The following WDR31 variants were observed in gnomAD, a reference collection of about 807,000 sequenced individuals.
The protein encoded by WDR31 is WD repeat-containing protein 31.
WDR31 carries 30 observed loss-of-function variants against 47.3 expected under a neutral mutation model. That is an observed-to-expected ratio of 0.63 (90% CI 0.47 to 0.86). The LOEUF is 0.86. WDR31 is among the 40% of genes least tolerant of loss of function. The pLI, the probability that WDR31 is intolerant of heterozygous loss-of-function variation, is 0.00. For synonymous variants in WDR31, 137 were observed against 159.4 expected, an observed-to-expected ratio of 0.86 and a Z score of 1.06; for missense variants, 406 against 442.9, an observed-to-expected ratio of 0.92 and a Z score of 0.75.
At chr9:113,330,473 T>C (rs1262243457) in intron 4 of WDR31, among the ~76,000 whole-genome samples, 1 of 152,150 alleles carries the variant, frequency 6.6e-6, no homozygotes, top group Admixed American at 6.5e-5. Context: ...AGGGCTATGA[T>C]AGATCCTAAT....
chr9:113,337,358 G>C (rs577586995), intron 1 of WDR31, among the ~76,000 whole-genome samples: 1 of 152,142 alleles, frequency 6.6e-6, no homozygotes, highest in African/African-American at 2.4e-5. Context: ...TGTTACTACA[G>C]GTTGAGCATC....
At chr9:113,321,200 G>A (rs1003076212) in intron 8 of WDR31, among the ~76,000 whole-genome samples, 1 of 152,238 alleles carries the variant, frequency 6.6e-6, no homozygotes, top group Non-Finnish European at 1.5e-5. Context: ...GCCCAACAGG[G>A]TGGGACAAGC....
chr9:113,323,841 T>C (rs1833388234), intron 5 of WDR31, among the ~76,000 whole-genome samples: 1 of 152,230 alleles, frequency 6.6e-6, no homozygotes, highest in Non-Finnish European at 1.5e-5. Context: ...GCTGTACTGT[T>C]ATGACAGGTG....
intron 5 of WDR31, among the ~76,000 whole-genome samples, chr9:113,325,015 T>C (rs564247169): frequency 6.6e-6 from 1 of 152,132 alleles, no homozygotes; most frequent in South Asian, 2.1e-4. Flanking sequence ...GTGTGATCTC[T>C]GCTCACTGCA....
At position 113,320,408 on chromosome 9, in the gene WDR31, G is replaced by C; in HGVS notation, c.729C>G (p.His243Gln). The C allele has an allele frequency of 6.2e-7, 1 of 1,614,236 alleles. No individual in the cohort carries two copies. The highest frequency in any genetic ancestry group is 8.5e-7 in the Non-Finnish European group (1 of 1,180,042). The change falls in exon 9 of 11, where the codon CAC (histidine) becomes CAG (glutamine). Residue 243 changes from histidine (H) to glutamine (Q), a missense_variant. By Grantham distance (24) the His-to-Gln change is conservative (BLOSUM62 0). Coordinates refer to ENST00000374193, the MANE Select transcript of WDR31 (RefSeq NM_001012361.4). ...QTYCEVSVDG[H>Q]KCISCSNGFG... Reference sequence around the variant, plus strand: ...AGCCATTGCTGCAGGAGATACACTTGTGTCCATCCACACTGACTTCACAGT... The same window carrying C: ...AGCCATTGCTGCAGGAGATACACTTCTGTCCATCCACACTGACTTCACAGT...
At chr9:113,318,140 G>C (rs1833248206) in intron 10 of WDR31, among the ~76,000 whole-genome samples, 1 of 152,148 alleles carries the variant, frequency 6.6e-6, no homozygotes, top group Non-Finnish European at 1.5e-5. Flanking sequence ...CAAGAGCTGG[G>C]GCTTTCATTT....
chr9:113,329,331 GT>G (rs61111179), intron 4 of WDR31, among the ~76,000 whole-genome samples: 3,180 of 145,410 alleles, frequency 0.022, 35 homozygotes, highest in Non-Finnish European at 0.033. Flanking sequence ...TTGTTGTGGT[GT>G]TTTTTTTTTT....
intron 4 of WDR31, among the ~76,000 whole-genome samples, 164 bp from the exon 5 acceptor site, chr9:113,329,119 G>C (rs115679389): frequency 1.3e-5 from 2 of 152,056 alleles, no homozygotes; most frequent in African/African-American, 4.8e-5. Flanking sequence ...CCCTCCTCAC[G>C]TGCCCCTCCT....
intron 5 of WDR31, among the ~76,000 whole-genome samples, chr9:113,325,931 G>A (rs1679184958): frequency 6.6e-6 from 1 of 150,578 alleles, no homozygotes; most frequent in South Asian, 2.1e-4. Context: ...TATTTTTTGA[G>A]ATGGAGTTTC....
rs1398690683 is a variant in WDR31 at position 113,313,449 on chromosome 9, C to T, written c.*3300G>A. On this transcript the variant is annotated 3_prime_UTR_variant, in exon 11 of 11. Coordinates refer to ENST00000374193, the MANE Select transcript of WDR31 (RefSeq NM_001012361.4). ...GCACATGCTACGACTGTCCCTGAGACAGCTGTCTACTGCCCCTAGGCACTT... is the reference window on the plus strand; with the variant it reads ...GCACATGCTACGACTGTCCCTGAGATAGCTGTCTACTGCCCCTAGGCACTT... 1 of 152,244 alleles carries T rather than the reference C, an allele frequency of 6.6e-6. No individual in the cohort carries two copies. Among genetic ancestry groups the T allele is most frequent in the Non-Finnish European group, 1.5e-5 (1 of 68,052 alleles). 9.4% of individuals were successfully genotyped at this position (152,244 alleles called of 1,614,324 possible).
Position 113,322,812 on chromosome 9 carries a change from A to T in WDR31, c.569T>A (p.Val190Glu). ...TCTGTACCAAGTTTGAGTTCATACCACGTTCCTGGAGACAGATGCTCTTTC... is the reference window on the plus strand; with the variant it reads ...TCTGTACCAAGTTTGAGTTCATACCTCGTTCCTGGAGACAGATGCTCTTTC... ...SVERASVSRN[V>E]VTHLCWVPRE... Residue 190 changes from valine (V) to glutamate (E), a missense_variant and splice_region_variant, in exon 7 of 11, where the codon GTG becomes GAG. Coordinates refer to ENST00000374193, the MANE Select transcript of WDR31 (RefSeq NM_001012361.4). The T allele has an allele frequency of 6.2e-7, 1 of 1,613,974 alleles. No individual in the cohort carries two copies. Among genetic ancestry groups the T allele is most frequent in the Non-Finnish European group, 8.5e-7 (1 of 1,179,962 alleles).
intron 1 of WDR31, among the ~76,000 whole-genome samples, 168 bp downstream of exon 1, chr9:113,340,049 T>A (rs1833797053): frequency 6.6e-6 from 1 of 152,106 alleles, no homozygotes; most frequent in Non-Finnish European, 1.5e-5. Context: ...GCTTATTTTT[T>A]ATGTGTATGT....
In WDR31 at chr9:113,314,361, G is replaced by GC. The variant is rs1833144267; in HGVS notation, c.*2387_*2388insG. 6.7e-6 allele frequency: 1 copy of GC among 149,030 alleles called. No homozygotes were observed. The highest frequency in any genetic ancestry group is 1.5e-5 in the Non-Finnish European group (1 of 67,334). 9.2% of individuals were successfully genotyped at this position (149,030 alleles called of 1,614,324 possible). A position where few individuals can be genotyped will look rare whatever the true frequency, so the allele number is the denominator to read the frequency against. ...TCCTGAGTAGCTGGGACTACAGGCG[G>GC]GCACCACCACACCCAGCTAATTTTT... is the stretch of plus-strand genomic sequence containing the variant. On this transcript the variant is annotated 3_prime_UTR_variant, in exon 11 of 11. Transcript: ENST00000374193.
rs1269798587 is a variant in WDR31 at position 113,322,875 on chromosome 9, G to T, written c.506C>A (p.Thr169Asn). Reference protein sequence around the residue: ...SQLCTGSRDNTLLLWDVVTGQ... With the variant: ...SQLCTGSRDNNLLLWDVVTGQ... ...TGTCACCACATCCCACAGAAGCAGG[G>T]TGTTGTCCCGAGAGCCAGTGCACAG... The change falls in exon 7 of 11, where the codon ACC becomes AAC. Residue 169 changes from threonine (T) to asparagine (N), a missense_variant. Thr to Asn is a moderately conservative substitution (Grantham distance 65). Transcript: ENST00000374193. 6.2e-7 allele frequency: 1 copy of T among 1,614,094 alleles called. No individual in the cohort carries two copies.
chr9:113,332,484 G>T (rs147159894), intron 2 of WDR31, among the ~76,000 whole-genome samples: 1 of 152,148 alleles, frequency 6.6e-6, no homozygotes. Context: ...TGAAGTACTC[G>T]TACATACTAC....
intron 1 of WDR31, 70 bp downstream of exon 1, chr9:113,340,147 A>G (rs1306244608): frequency 6.6e-6 from 1 of 152,316 alleles, no homozygotes; most frequent in Non-Finnish European, 1.5e-5. Context: ...CGCTTCGACC[A>G]AAGGGCGAGG....
chr9:113,316,634 C>G lies in WDR31; in HGVS notation c.*115G>C. ...ACACTGATACATCTTGTAAATGAAC[C>G]TAAGCAAAGAATACCAGCCCTACAT... On this transcript the variant is annotated 3_prime_UTR_variant, in exon 11 of 11. Coordinates refer to ENST00000374193, the MANE Select transcript of WDR31 (RefSeq NM_001012361.4). 2 of 1,306,448 alleles carry G rather than the reference C, an allele frequency of 1.5e-6. No homozygotes were observed. Among genetic ancestry groups the G allele is most frequent in the Non-Finnish European group, 1.0e-6 (1 of 961,088 alleles). 80.9% of individuals were successfully genotyped at this position (1,306,448 alleles called of 1,614,324 possible). A position where few individuals can be genotyped will look rare whatever the true frequency, so the allele number is the denominator to read the frequency against.
intron 4 of WDR31, 23 bp from the exon 5 acceptor site, chr9:113,328,978 T>C (rs1256742030): frequency 6.3e-7 from 1 of 1,598,788 alleles, no homozygotes; most frequent in Non-Finnish European, 8.6e-7. Flanking sequence ...AAGATTGTAG[T>C]TTCATTACTC....
At chr9:113,328,205 A>C (rs1334725956) in intron 5 of WDR31, among the ~76,000 whole-genome samples, 1 of 152,196 alleles carries the variant, frequency 6.6e-6, no homozygotes, top group Non-Finnish European at 1.5e-5. Context: ...TGACATCTGC[A>C]CTCTGCCAAA....
Sources: allele counts gnomAD v4.1 joint callset (sites outside exome capture counted in the v4.1 genomes callset), GRCh38; gene constraint gnomAD v4.1.1; transcripts MANE v1.5; gene names NCBI Gene and HGNC (gene_info 2026-07-23, HGNC 2026-07-21).